The following CPQ variants were observed in gnomAD, a reference collection of about 807,000 sequenced individuals.
The protein encoded by CPQ is carboxypeptidase Q.
A neutral mutation model predicts 45.7 loss-of-function variants in CPQ; 37 were observed. That is an observed-to-expected ratio of 0.81 (90% confidence interval 0.62 to 1.07). The LOEUF is 1.07. CPQ is among the 50% of genes least tolerant of loss of function. The pLI, the probability that CPQ is intolerant of heterozygous loss-of-function variation, is 0.00. For missense variants in CPQ, 537 were observed against 572.9 expected, an observed-to-expected ratio of 0.94 and a Z score of 0.64; for synonymous variants, 186 against 205.8, an observed-to-expected ratio of 0.90 and a Z score of 0.82.
chr8:96,804,583 T>A lies in CPQ; in HGVS notation c.433+19253T>A, dbSNP rs773741201. Among the ~76,000 whole-genome samples, 316 of 152,218 alleles carry A rather than the reference T, an allele frequency of 2.1e-3. 2 individuals are homozygous for A. The highest frequency in any genetic ancestry group is 2.8e-3 in the Non-Finnish European group (190 of 68,016). On this transcript the variant is annotated intron_variant, in intron 2 of 7. Transcript: ENST00000220763. ...GGAAAATATCTAGTTTTTTTAATTT[T>A]AAAAAATCTAATAAACCAAACAACA...
intron 1 of CPQ, among the ~76,000 whole-genome samples, chr8:96,712,986 C>T (rs1421214471): frequency 6.6e-6 from 1 of 152,108 alleles, no homozygotes; most frequent in African/African-American, 2.4e-5. Context: ...TACGCTAGAT[C>T]ATCTCTCTCA....
At chr8:96,656,245 G>A (rs543628510) in intron 1 of CPQ, among the ~76,000 whole-genome samples, 1 of 152,294 alleles carries the variant, frequency 6.6e-6, no homozygotes, top group African/African-American at 2.4e-5. Context: ...GTTGGGTCAG[G>A]TGGTAATGAC....
chr8:97,088,901 A>T (rs1212431746), intron 7 of CPQ, among the ~76,000 whole-genome samples: 1 of 152,198 alleles, frequency 6.6e-6, no homozygotes, highest in Non-Finnish European at 1.5e-5. Context: ...TAAAATAGGA[A>T]GTCCAAGCTA....
At position 96,932,404 on chromosome 8, in the gene CPQ, C is replaced by G. The variant is rs553826831; in HGVS notation, c.850-33531C>G. On this transcript the variant is annotated intron_variant, in intron 4 of 7. Transcript: ENST00000220763. ...ACAAGCAGCATCATAAAGTATGTAT[C>G]CTTTTTCAACTTGATTTTTATTCAA... is the stretch of plus-strand genomic sequence containing the variant. Among the ~76,000 whole-genome samples the G allele has an allele frequency of 2.6e-5, 4 of 152,212 alleles. No homozygotes were observed. The South Asian group carries it at 8.3e-4, about 32-fold the overall frequency.
At chr8:97,041,880 A>G (rs1470359154) in intron 6 of CPQ, among the ~76,000 whole-genome samples, 8 of 152,306 alleles carry the variant, frequency 5.3e-5, no homozygotes, top group South Asian at 4.1e-4. Flanking sequence ...TGCTGGATTC[A>G]GTTTGCCAGT....
chr8:97,093,541 A>G (rs1811159956), intron 7 of CPQ, among the ~76,000 whole-genome samples: 1 of 152,258 alleles, frequency 6.6e-6, no homozygotes, highest in Admixed American at 6.5e-5. Flanking sequence ...TATACCCCCT[A>G]AACCAAAAAT....
chr8:96,690,001 A>T (rs777460729), intron 1 of CPQ, among the ~76,000 whole-genome samples: 1 of 151,828 alleles, frequency 6.6e-6, no homozygotes, highest in Non-Finnish European at 1.5e-5. Context: ...CATTTCTCTG[A>T]TGGTTTTATT....
intron 5 of CPQ, among the ~76,000 whole-genome samples, chr8:96,984,180 A>T (rs1813960740): frequency 6.6e-6 from 1 of 151,730 alleles, no homozygotes. Flanking sequence ...GTAACCACAG[A>T]TTGCTTCAAT....
At chr8:96,662,832 A>T (rs1056081444) in intron 1 of CPQ, among the ~76,000 whole-genome samples, 1 of 152,106 alleles carries the variant, frequency 6.6e-6, no homozygotes, top group African/African-American at 2.4e-5. Flanking sequence ...TACAAAAAAT[A>T]TGAGAATTAG....
At chr8:96,967,121 A>C (rs1177447419) in intron 5 of CPQ, among the ~76,000 whole-genome samples, 1 of 152,210 alleles carries the variant, frequency 6.6e-6, no homozygotes, top group Non-Finnish European at 1.5e-5. Context: ...TCCCTTGGCT[A>C]TCTCTTCTTT....
At chr8:96,710,638 A>G (rs925060150) in intron 1 of CPQ, among the ~76,000 whole-genome samples, 1 of 152,012 alleles carries the variant, frequency 6.6e-6, no homozygotes. Flanking sequence ...CTTAATTTCC[A>G]TGTATTTGTG....
rs186853260 is a variant in CPQ at position 96,753,969 on chromosome 8, T to A, written c.-34-30895T>A. Among the ~76,000 whole-genome samples, 28 of 152,146 alleles carry A rather than the reference T, an allele frequency of 1.8e-4. No homozygotes were observed. In the East Asian group the frequency reaches 4.4e-3, roughly 24 times the overall value. On this transcript the variant is annotated intron_variant, in intron 1 of 7. Coordinates refer to ENST00000220763, the MANE Select transcript of CPQ (RefSeq NM_016134.4). ...ATCAAATGATCTTTTGTTCTTTTTTTAAAATAATTATGTCCTCTTATTTGA... is the reference window on the plus strand; with the variant it reads ...ATCAAATGATCTTTTGTTCTTTTTTAAAAATAATTATGTCCTCTTATTTGA...
chr8:96,646,964 A>C (rs1815525651), intron 1 of CPQ, among the ~76,000 whole-genome samples: 1 of 152,172 alleles, frequency 6.6e-6, no homozygotes, highest in Admixed American at 6.5e-5. Context: ...TTTCTTCTAC[A>C]TTGTCACAGG....
At chr8:97,096,974 G>C (rs144843656) in intron 7 of CPQ, among the ~76,000 whole-genome samples, 1 of 152,278 alleles carries the variant, frequency 6.6e-6, no homozygotes, top group African/African-American at 2.4e-5. Context: ...TGGCTTAACA[G>C]CCCAGGAGAG....
At chr8:97,035,696 G>A (rs1280431041) in intron 6 of CPQ, among the ~76,000 whole-genome samples, 3 of 68,890 alleles carry the variant, frequency 4.4e-5, no homozygotes, top group South Asian at 3.6e-4. Context: ...TTGTTTGTTT[G>A]TTTGTATTGT....
chr8:97,109,511 C>T (rs151268855), intron 7 of CPQ, among the ~76,000 whole-genome samples: 2 of 152,244 alleles, frequency 1.3e-5, no homozygotes, highest in African/African-American at 4.8e-5. Context: ...CCTTCCTGAC[C>T]CAGAAGGTTC....
At chr8:96,693,959 TAAG>T (rs1208255434) in intron 1 of CPQ, among the ~76,000 whole-genome samples, 1 of 152,074 alleles carries the variant, frequency 6.6e-6, no homozygotes, top group African/African-American at 2.4e-5. Flanking sequence ...AATAAAAAGT[TAAG>T]AAGCAGGGAG....
intron 7 of CPQ, among the ~76,000 whole-genome samples, chr8:97,077,631 A>C (rs1197306668): frequency 6.6e-6 from 1 of 152,252 alleles, no homozygotes; most frequent in Non-Finnish European, 1.5e-5. Flanking sequence ...ATGCTAAAAT[A>C]AACTAGCATC....
chr8:97,129,094 G>A (rs1811894321), intron 7 of CPQ, among the ~76,000 whole-genome samples: 1 of 152,138 alleles, frequency 6.6e-6, no homozygotes, highest in African/African-American at 2.4e-5. Context: ...AGAAAGAGAA[G>A]GATATCATTT....
Sources: gnomAD v4.1 joint callset for allele counts (sites outside exome capture counted in the v4.1 genomes callset) on GRCh38, gnomAD v4.1.1 for gene constraint, MANE v1.5 for transcripts, NCBI Gene and HGNC (gene_info 2026-07-23, HGNC 2026-07-21) for gene names.